The following IFNGR2 variants were observed in gnomAD, a reference collection of about 807,000 sequenced individuals.
IFNGR2 encodes the protein IFN-gamma receptor 2.
A neutral mutation model predicts 41.1 loss-of-function variants in IFNGR2; 15 were observed. That is an observed-to-expected ratio of 0.37 (90% CI 0.24 to 0.56). IFNGR2 has a LOEUF of 0.56. Ranked by LOEUF, IFNGR2 falls within the 20% of genes least tolerant of loss-of-function variation. IFNGR2 has a pLI of 0.81. For missense variants in IFNGR2, 362 were observed against 415.7 expected (o/e 0.87, Z 1.12); for synonymous variants, 161 against 171.6 (o/e 0.94, Z 0.48).
intron 4 of IFNGR2, among the ~76,000 whole-genome samples, chr21:33,428,636 A>C (rs2083860178): frequency 6.6e-6 from 1 of 152,192 alleles, no homozygotes; most frequent in South Asian, 2.1e-4. Context: ...ATCAGAGCTC[A>C]AGATCTGGGT....
intron 4 of IFNGR2, among the ~76,000 whole-genome samples, chr21:33,429,778 T>C (rs2083870343): frequency 6.6e-6 from 1 of 152,134 alleles, no homozygotes; most frequent in African/African-American, 2.4e-5. Context: ...AGAAAACACA[T>C]TGTGCAAACA....
At chr21:33,424,540 G>A (rs980292599) in intron 3 of IFNGR2, among the ~76,000 whole-genome samples, 7 of 152,214 alleles carry the variant, frequency 4.6e-5, no homozygotes, top group Admixed American at 1.3e-4. Flanking sequence ...TGCTGGTGGC[G>A]TTAGAATCAG....
At chr21:33,419,353 C>T (rs1398924517) in intron 2 of IFNGR2, among the ~76,000 whole-genome samples, 1 of 152,128 alleles carries the variant, frequency 6.6e-6, no homozygotes, top group Non-Finnish European at 1.5e-5. Flanking sequence ...AGTGATCTGC[C>T]CGCCTCAGCC....
chr21:33,405,271 A>G (rs2083670052), intron 1 of IFNGR2, among the ~76,000 whole-genome samples: 1 of 152,200 alleles, frequency 6.6e-6, no homozygotes, highest in South Asian at 2.1e-4. Context: ...ATTCGAAGCT[A>G]TAACCTTGTG....
chr21:33,413,652 A>C (rs939987038), intron 1 of IFNGR2, among the ~76,000 whole-genome samples: 1 of 151,598 alleles, frequency 6.6e-6, no homozygotes, highest in African/African-American at 2.4e-5. Context: ...CCTGCTTGGG[A>C]AAGGGAGGAG....
chr21:33,425,264 G>A (rs971000543), intron 3 of IFNGR2, among the ~76,000 whole-genome samples: 4 of 152,110 alleles, frequency 2.6e-5, no homozygotes, highest in East Asian at 1.9e-4. Context: ...GAGAGGCTTC[G>A]TGGAAAGGCC....
In IFNGR2 at chr21:33,432,890, CTTT is replaced by C. The variant is rs143248516; in HGVS notation, c.879+30_879+32del. ...AGAAGAGGTACGTGTGCACACATCT[CTTT>C]TTTTTTTTTTGAGACAGGGTCTTGC... On this transcript the variant is annotated intron_variant, in intron 6 of 6. Coordinates refer to ENST00000290219, the MANE Select transcript of IFNGR2 (RefSeq NM_005534.4). The C allele has an allele frequency of 4.7e-5, 70 of 1,476,932 alleles. No individual in the cohort carries two copies. The highest frequency in any genetic ancestry group is 4.8e-5 in the Non-Finnish European group (52 of 1,078,076). 91.5% of individuals were successfully genotyped at this position (1,476,932 alleles called of 1,614,324 possible).
Position 33,403,465 on chromosome 21 carries a change from G to T in IFNGR2, c.-79G>T. The T allele has an allele frequency of 1.1e-6, 1 of 909,030 alleles. No individual in the cohort carries two copies. The highest frequency in any genetic ancestry group is 1.4e-6 in the Non-Finnish European group (1 of 733,218). 56.3% of individuals were successfully genotyped at this position (909,030 alleles called of 1,614,324 possible). The stretch of plus-strand genomic sequence containing the variant: ...CGCCCTGCGCTCGCCATGGCGGTTT[G>T]GGCGGCGACGTGAGCGGCTCCGCGG... On this transcript the variant is annotated 5_prime_UTR_variant, in exon 1 of 7. Coordinates refer to ENST00000290219, the MANE Select transcript of IFNGR2 (RefSeq NM_005534.4).
At chr21:33,403,644 G>A in intron 1 of IFNGR2, 28 bp downstream of exon 1, 1 of 1,297,276 alleles carries the variant, frequency 7.7e-7, no homozygotes, top group Non-Finnish European at 9.8e-7. Flanking sequence ...CTCCGCGGCG[G>A]GACGCGGGCG....
At chr21:33,403,664 C>T in intron 1 of IFNGR2, 48 bp downstream of exon 1, 1 of 1,198,838 alleles carries the variant, frequency 8.3e-7, no homozygotes, top group Non-Finnish European at 1.1e-6. Context: ...GCAGCCGCAG[C>T]ATGTGGGGGC....
Position 33,403,610 on chromosome 21 carries a change from C to T in IFNGR2, c.67C>T (p.Pro23Ser), listed in dbSNP as rs1439785513. 1 of 1,365,474 alleles carries T rather than the reference C, an allele frequency of 7.3e-7. No individual in the cohort carries two copies. The highest frequency in any genetic ancestry group is 1.5e-5 in the African/African-American group (1 of 65,740). 84.6% of individuals were successfully genotyped at this position (1,365,474 alleles called of 1,614,324 possible). A position where few individuals can be genotyped will look rare whatever the true frequency, so the allele number is the denominator to read the frequency against. ...LGVFAAAAAA[P>S]PDPLSQLPAP... ...AGTCTTCGCCGCCGCCGCCGCGGCC[C>T]CGCCAGGTGAGCCGGGCCTGGGCCT... is the stretch of plus-strand genomic sequence containing the variant. The change falls in exon 1 of 7, where the codon CCG becomes TCG. Residue 23 changes from proline to serine, a missense_variant. Physicochemically the swap from Pro to Ser is moderately conservative, Grantham distance 74. Transcript: ENST00000290219.
chr21:33,429,352 G>A (rs62226405), intron 4 of IFNGR2, among the ~76,000 whole-genome samples: 4 of 140 alleles, frequency 0.029, no homozygotes, highest in African/African-American at 0.12. Flanking sequence ...CTCTGATTTC[G>A]TTTTGAGACA....
intron 3 of IFNGR2, 32 bp from the exon 4 acceptor site, chr21:33,426,852 T>C (rs1568959785): frequency 6.3e-7 from 1 of 1,578,966 alleles, no homozygotes; most frequent in Non-Finnish European, 8.7e-7. Context: ...TATGTGTATG[T>C]GTGTGGTTTT....
At chr21:33,414,742 C>A in intron 1 of IFNGR2, 146 bp from the exon 2 acceptor site, 1 of 972,884 alleles carries the variant, frequency 1.0e-6, no homozygotes, top group Non-Finnish European at 1.6e-6. Flanking sequence ...GGGCCATGCC[C>A]AGGGGGACCT....
chr21:33,413,687 CGAAGGCTCCCTGT>C (rs1226296155), intron 1 of IFNGR2, among the ~76,000 whole-genome samples: 1 of 151,844 alleles, frequency 6.6e-6, no homozygotes, highest in African/African-American at 2.4e-5. Flanking sequence ...TCTAGGTCCC[CGAAGGCTCCCTGT>C]GAAGTACCTG....
chr21:33,410,839 A>G, intron 1 of IFNGR2: 1 of 1,542,312 alleles, frequency 6.5e-7, no homozygotes, highest in Non-Finnish European at 8.8e-7. Flanking sequence ...TGCTCAGCAC[A>G]GCTAACTTTG....
chr21:33,432,919 T>G, intron 6 of IFNGR2, 48 bp downstream of exon 6: 1 of 1,496,432 alleles, frequency 6.7e-7, no homozygotes, highest in African/African-American at 1.4e-5. Flanking sequence ...AGGGTCTTGC[T>G]CTGTTGCCCA....
At chr21:33,404,561 C>T (rs935159955) in intron 1 of IFNGR2, among the ~76,000 whole-genome samples, 4 of 152,124 alleles carry the variant, frequency 2.6e-5, no homozygotes, top group African/African-American at 9.7e-5. Context: ...CGTCAGCCTC[C>T]CAAGAAGGTG....
chr21:33,411,906 A>T (rs1016783132), intron 1 of IFNGR2, among the ~76,000 whole-genome samples: 3 of 152,216 alleles, frequency 2.0e-5, no homozygotes, highest in African/African-American at 2.4e-5. Context: ...GTGATTTTTT[A>T]AAATTTATTT....
Sources: gnomAD v4.1 joint callset for allele counts (sites outside exome capture counted in the v4.1 genomes callset) on GRCh38, gnomAD v4.1.1 for gene constraint, MANE v1.5 for transcripts, NCBI Gene and HGNC (gene_info 2026-07-23, HGNC 2026-07-21) for gene names.